Variants in USP25 observed in about 807,000 individuals in gnomAD.
USP25 encodes ubiquitin carboxyl-terminal hydrolase 25.
In USP25, 85 loss-of-function variants were observed where a neutral mutation model predicts 158.5. The ratio of observed to expected loss-of-function variants is 0.54; its 90% CI spans 0.45 to 0.64. The LOEUF (loss-of-function observed/expected upper bound fraction) is 0.64. Among genes scored for constraint, USP25 ranks in the 30% least tolerant of loss-of-function variants. The pLI, the probability that USP25 is intolerant of heterozygous loss-of-function variation, is 0.00. For synonymous variants in USP25, 464 were observed against 460.4 expected, an observed-to-expected ratio of 1.01 and a Z score of -0.10; for missense variants, 1,242 against 1,327.3, an observed-to-expected ratio of 0.94 and a Z score of 1.00.
intron 18 of USP25, 141 bp downstream of exon 18, chr21:15,842,681 G>A: frequency 2.1e-6 from 2 of 967,834 alleles, no homozygotes; most frequent in Non-Finnish European, 2.9e-6. Flanking sequence ...GTGACCATGG[G>A]CAAGTCATCT....
chr21:15,800,156 C>T (rs2036060954), intron 6 of USP25, among the ~76,000 whole-genome samples: 1 of 151,250 alleles, frequency 6.6e-6, no homozygotes, highest in South Asian at 2.1e-4. Context: ...TCAGTTGTCT[C>T]CTAAAAAATT....
At chr21:15,740,813 A>G (rs545790848) in intron 1 of USP25, among the ~76,000 whole-genome samples, 6 of 151,922 alleles carry the variant, frequency 3.9e-5, no homozygotes, top group African/African-American at 1.4e-4. Context: ...CATGAAATAG[A>G]ATATCTTATT....
chr21:15,762,725 A>AT (rs1265057768), intron 1 of USP25, among the ~76,000 whole-genome samples, 166 bp from the exon 2 acceptor site: 4 of 152,138 alleles, frequency 2.6e-5, no homozygotes, highest in Admixed American at 6.5e-5. Context: ...TTCTTTCTAA[A>AT]AGAATGAAGT....
At chr21:15,777,710 C>T (rs181333963) in intron 3 of USP25, among the ~76,000 whole-genome samples, 194 bp from the exon 4 acceptor site, 1 of 151,988 alleles carries the variant, frequency 6.6e-6, no homozygotes, top group African/African-American at 2.4e-5. Flanking sequence ...TATATTTTAT[C>T]AAAAAAATCA....
intron 23 of USP25, among the ~76,000 whole-genome samples, chr21:15,871,101 T>C (rs2039868056): frequency 6.6e-6 from 1 of 152,200 alleles, no homozygotes; most frequent in Non-Finnish European, 1.5e-5. Context: ...TAGAGGACAG[T>C]ACTTTCATTT....
intron 20 of USP25, among the ~76,000 whole-genome samples, chr21:15,852,280 CACTT>C (rs769629234): frequency 3.2e-4 from 48 of 151,834 alleles, no homozygotes; most frequent in Non-Finnish European, 6.0e-4. Flanking sequence ...GCTGGAAAAA[CACTT>C]ACAAGAATAG....
intron 5 of USP25, among the ~76,000 whole-genome samples, chr21:15,797,502 C>T (rs2035918572): frequency 6.6e-6 from 1 of 151,010 alleles, no homozygotes; most frequent in Non-Finnish European, 1.5e-5. Context: ...AATAACTGGC[C>T]ATCTTGAATT....
At chr21:15,860,159 G>T (rs1242879611) in intron 20 of USP25, among the ~76,000 whole-genome samples, 5 of 151,096 alleles carry the variant, frequency 3.3e-5, no homozygotes, top group African/African-American at 9.7e-5. Context: ...AGCTAATTTT[G>T]TTTGTTTGTT....
chr21:15,793,186 T>C (rs1199450484), intron 5 of USP25, among the ~76,000 whole-genome samples: 1 of 151,680 alleles, frequency 6.6e-6, no homozygotes, highest in African/African-American at 2.4e-5. Context: ...ATGAGGGTCA[T>C]TGATTAGAAG....
chr21:15,797,391 C>T (rs2035912472), intron 5 of USP25, among the ~76,000 whole-genome samples: 1 of 151,316 alleles, frequency 6.6e-6, no homozygotes, highest in Non-Finnish European at 1.5e-5. Context: ...GAAAAAGATA[C>T]ACGTATAAAG....
In USP25 at chr21:15,843,457, G is replaced by A. The variant is rs1191151473; in HGVS notation, c.2337+917G>A. Among the ~76,000 whole-genome samples the A allele has an allele frequency of 1.3e-5, 2 of 152,112 alleles. No individual in the cohort carries two copies. Among genetic ancestry groups the A allele is most frequent in the African/African-American group, 2.4e-5 (1 of 41,424 alleles). On this transcript the variant is annotated intron_variant, in intron 18 of 25. Coordinates refer to ENST00000400183, the MANE Select transcript of USP25 (RefSeq NM_001283041.3). The surrounding 1 kb of genome is among the most constrained non-coding windows in gnomAD (Gnocchi z 4.0). ...TAATAAGACTTCCTTTAGCCAAAAT[G>A]TTCAAGAGATATGGTACTCTGTTAA...
intron 17 of USP25, among the ~76,000 whole-genome samples, chr21:15,837,818 T>A (rs780126708): frequency 1.3e-5 from 2 of 152,136 alleles, no homozygotes; most frequent in African/African-American, 4.8e-5. Context: ...CTACACTGTC[T>A]ACAAGTTAAA....
chr21:15,794,828 G>A (rs375218568), intron 5 of USP25, among the ~76,000 whole-genome samples: 7 of 151,598 alleles, frequency 4.6e-5, no homozygotes, highest in Admixed American at 1.3e-4. Context: ...ATAATACAGG[G>A]TCTGGCACAT....
chr21:15,817,848 A>G (rs990284490), intron 9 of USP25, among the ~76,000 whole-genome samples: 3 of 152,106 alleles, frequency 2.0e-5, no homozygotes, highest in Non-Finnish European at 2.9e-5. Context: ...GGGAGCTACA[A>G]TTTAAGATGA....
At chr21:15,856,289 A>G (rs565036661) in intron 20 of USP25, among the ~76,000 whole-genome samples, 14 of 152,210 alleles carry the variant, frequency 9.2e-5, no homozygotes, top group Non-Finnish European at 1.6e-4. Flanking sequence ...CTTGTAAACT[A>G]GTAATACATA....
Position 15,826,868 on chromosome 21 carries a change from A to AT in USP25, c.1467-103dup, listed in dbSNP as rs2037530780. 3.9e-6 allele frequency: 4 copies of AT among 1,027,918 alleles called. No individual in the cohort carries two copies. The highest frequency in any genetic ancestry group is 1.6e-5 in the South Asian group (1 of 62,102). The allele number at this position is 1,027,918 out of a possible 1,614,324, so 63.7% of individuals were successfully genotyped here. A position where few individuals can be genotyped will look rare whatever the true frequency, so the allele number is the denominator to read the frequency against. The stretch of plus-strand genomic sequence containing the variant: ...AGATCAATCCACATATTTCTTTAAG[A>AT]TTTTTTCTTTTGAATTACAAGCCAA... On this transcript the variant is annotated intron_variant, in intron 13 of 25. Transcript: ENST00000400183. The surrounding 1 kb of genome is among the most constrained non-coding windows in gnomAD (Gnocchi z 4.8).
intron 16 of USP25, 42 bp from the exon 17 acceptor site, chr21:15,833,306 T>A (rs2037902765): frequency 6.4e-7 from 1 of 1,571,986 alleles, no homozygotes; most frequent in South Asian, 1.2e-5. Flanking sequence ...ATTTTCCCTT[T>A]AATTCTTAAT....
At chr21:15,749,047 C>G (rs1166691125) in intron 1 of USP25, among the ~76,000 whole-genome samples, 1 of 151,370 alleles carries the variant, frequency 6.6e-6, no homozygotes, top group East Asian at 1.9e-4. Flanking sequence ...TAAGCTATAG[C>G]TCAGTAAATG....
intron 10 of USP25, 58 bp from the exon 11 acceptor site, chr21:15,823,981 G>A: frequency 6.5e-7 from 1 of 1,529,452 alleles, no homozygotes; most frequent in Non-Finnish European, 8.9e-7. Context: ...GCCTAAGATT[G>A]CAGTGAAGAA....
Sources: allele counts gnomAD v4.1 joint callset (sites outside exome capture counted in the v4.1 genomes callset), GRCh38; gene constraint gnomAD v4.1.1; non-coding constraint Gnocchi (gnomAD v3.1); transcripts MANE v1.5; gene names NCBI Gene and HGNC (gene_info 2026-07-23, HGNC 2026-07-21).